The following NEK6 variants were observed in gnomAD, a reference collection of about 807,000 sequenced individuals.
NEK6 encodes the protein NIMA related kinase 6, also known as serine/threonine-protein kinase Nek6.
A neutral mutation model predicts 43.5 loss-of-function variants in NEK6; 27 were observed. That is an observed-to-expected ratio of 0.62 (90% CI 0.46 to 0.86). NEK6 has a LOEUF of 0.86. NEK6 is among the 40% of genes least tolerant of loss of function. The pLI, the probability that NEK6 is intolerant of heterozygous loss-of-function variation, is 0.00. For missense variants in NEK6, 318 were observed against 414.4 expected, an observed-to-expected ratio of 0.77 and a Z score of 2.02; for synonymous variants, 167 against 164.1, an observed-to-expected ratio of 1.02 and a Z score of -0.14.
chr9:124,345,188 T>C lies in NEK6; in HGVS notation c.718-2521T>C, dbSNP rs577580586. On this transcript the variant is annotated intron_variant, in intron 8 of 9. Coordinates refer to ENST00000320246, the MANE Select transcript of NEK6 (RefSeq NM_014397.6). ...GCGCTGAGAGCCGTGGCCTCGGCAG[T>C]TCTAACGAGGCCCCAGACAGTGAGT... Among the ~76,000 whole-genome samples the C allele has an allele frequency of 2.6e-4, 40 of 152,282 alleles. 4 individuals carry two copies. The highest frequency in any genetic ancestry group is 2.5e-3 in the South Asian group (12 of 4,822).
intron 2 of NEK6, among the ~76,000 whole-genome samples, chr9:124,309,752 C>G (rs1362604674): frequency 6.6e-6 from 1 of 152,234 alleles, no homozygotes; most frequent in East Asian, 1.9e-4. Context: ...GCTCAGAAAG[C>G]CGCCCTGGCT....
intron 5 of NEK6, among the ~76,000 whole-genome samples, chr9:124,321,986 C>G (rs1834087330): frequency 6.6e-6 from 1 of 152,240 alleles, no homozygotes; most frequent in Non-Finnish European, 1.5e-5. Flanking sequence ...AGGGGCAGCA[C>G]CCCGTTTGGT....
intron 1 of NEK6, among the ~76,000 whole-genome samples, chr9:124,287,229 G>C (rs1480473288): frequency 6.6e-6 from 1 of 152,182 alleles, no homozygotes; most frequent in Non-Finnish European, 1.5e-5. Context: ...GGGGCCCCCA[G>C]GTCCTCCTGT....
intron 1 of NEK6, among the ~76,000 whole-genome samples, chr9:124,258,922 G>T (rs1277884369): frequency 6.6e-6 from 1 of 152,246 alleles, no homozygotes; most frequent in African/African-American, 2.4e-5. Flanking sequence ...TATCCTCCAG[G>T]CTCTCCTGTC....
At chr9:124,322,602 C>T (rs1456732228) in intron 5 of NEK6, among the ~76,000 whole-genome samples, 1 of 152,250 alleles carries the variant, frequency 6.6e-6, no homozygotes, top group Admixed American at 6.5e-5. Context: ...TACTCCACTG[C>T]TCCTTAGTGG....
chr9:124,305,566 A>G (rs868698325), intron 2 of NEK6, among the ~76,000 whole-genome samples: 6 of 150,226 alleles, frequency 4.0e-5, no homozygotes, highest in Non-Finnish European at 7.4e-5. Flanking sequence ...AAAAAAAAAA[A>G]AAAGAAAAAG....
chr9:124,323,623 C>T (rs1418272980), intron 5 of NEK6, among the ~76,000 whole-genome samples: 2 of 152,104 alleles, frequency 1.3e-5, no homozygotes, highest in Non-Finnish European at 2.9e-5. Flanking sequence ...TCTCAGTCCA[C>T]GGAGTGGGGC....
At chr9:124,335,247 T>G (rs1829227301) in intron 7 of NEK6, among the ~76,000 whole-genome samples, 1 of 152,138 alleles carries the variant, frequency 6.6e-6, no homozygotes, top group Non-Finnish European at 1.5e-5. Context: ...CACACTGGGC[T>G]GTTCCTTTAC....
At chr9:124,327,896 CT>C (rs2130958348) in intron 7 of NEK6, among the ~76,000 whole-genome samples, 1 of 152,292 alleles carries the variant, frequency 6.6e-6, no homozygotes, top group Non-Finnish European at 1.5e-5. Flanking sequence ...GACATTGTAG[CT>C]GGACCATAAA....
intron 4 of NEK6, 67 bp downstream of exon 4, chr9:124,314,052 C>A (rs1833692798): frequency 7.2e-7 from 1 of 1,388,690 alleles, no homozygotes; most frequent in East Asian, 2.3e-5. Context: ...GGCTGGGCCA[C>A]ATCATGTCCA....
chr9:124,285,605 C>A (rs1048865477), intron 1 of NEK6, among the ~76,000 whole-genome samples: 1 of 152,094 alleles, frequency 6.6e-6, no homozygotes, highest in Non-Finnish European at 1.5e-5. Flanking sequence ...GAGCAACAGC[C>A]GAGATTGAGG....
In NEK6 at chr9:124,292,314, A is replaced by G. The variant is rs1333574908; in HGVS notation, c.-29-9622A>G. ...AGGACCTTTGCCACTAGCCTGGGAC[A>G]GGGGTGGCTGCTGATGGCTGCTTTC... On this transcript the variant is annotated intron_variant, in intron 1 of 9. Transcript: ENST00000320246. The G allele has an allele frequency of 5.0e-6, 7 of 1,404,818 alleles. No homozygotes were observed. The African/African-American group carries it at 7.2e-5, about 15-fold the overall frequency. 87.0% of individuals were successfully genotyped at this position (1,404,818 alleles called of 1,614,324 possible).
intron 1 of NEK6, chr9:124,259,104 T>C (rs1455079030): frequency 1.3e-5 from 2 of 152,302 alleles, no homozygotes; most frequent in Non-Finnish European, 2.9e-5. Context: ...CACAGCGGGC[T>C]TGGGACACCA....
intron 1 of NEK6, chr9:124,291,906 G>A (rs1161685113): frequency 3.0e-6 from 3 of 985,506 alleles, no homozygotes; most frequent in African/African-American, 1.7e-5. Context: ...TCCTTTTGGC[G>A]GTGTCTGGGG....
intron 1 of NEK6, chr9:124,292,418 G>A: frequency 6.5e-7 from 1 of 1,534,808 alleles, no homozygotes. Flanking sequence ...CTCTAGGGTG[G>A]GTTTTGTCTG....
chr9:124,347,775 G>C lies in NEK6; in HGVS notation c.784G>C (p.Glu262Gln). 6.2e-7 allele frequency: 1 copy of C among 1,613,294 alleles called. No individual in the cohort carries two copies. The highest frequency in any genetic ancestry group is 8.5e-7 in the Non-Finnish European group (1 of 1,179,570). Residue 262 changes from glutamate to glutamine, a missense_variant, in exon 9 of 10, where the codon GAG becomes CAG. Glu to Gln is a conservative substitution (Grantham distance 29, BLOSUM62 2). This residue lies in a region of NEK6 where 79 missense variants were observed against 70.0 expected (regional missense o/e 1.13). Coordinates refer to ENST00000320246, the MANE Select transcript of NEK6 (RefSeq NM_014397.6). ...TCTCTTCTCCCTGTGCCAGAAGATC[G>C]AGCAGTGTGACTACCCCCCACTCCC... ...MNLFSLCQKI[E>Q]QCDYPPLPGE...
At chr9:124,322,113 C>A (rs1235613485) in intron 5 of NEK6, among the ~76,000 whole-genome samples, 1 of 152,206 alleles carries the variant, frequency 6.6e-6, no homozygotes, top group Non-Finnish European at 1.5e-5. Context: ...ATTGTGGGTA[C>A]AGAGCCATGC....
chr9:124,334,220 C>G (rs1440477647), intron 7 of NEK6, among the ~76,000 whole-genome samples: 1 of 152,108 alleles, frequency 6.6e-6, no homozygotes, highest in Non-Finnish European at 1.5e-5. Flanking sequence ...TGGAGGTGGG[C>G]AGGTGGCTGG....
intron 1 of NEK6, among the ~76,000 whole-genome samples, chr9:124,279,932 T>C (rs990325301): frequency 1.3e-5 from 2 of 152,240 alleles, no homozygotes; most frequent in African/African-American, 4.8e-5. Flanking sequence ...GGACAGCACA[T>C]GGCTTCACAA....
Sources: gnomAD v4.1 joint callset for allele counts (sites outside exome capture counted in the v4.1 genomes callset) on GRCh38, gnomAD v4.1.1 for gene constraint, gnomAD v4.1.1 regional missense constraint, MANE v1.5 for transcripts, NCBI Gene and HGNC (gene_info 2026-07-23, HGNC 2026-07-21) for gene names.